Variants in DFFB observed in about 807,000 individuals in gnomAD.
The protein encoded by DFFB is DNA fragmentation factor 40 kDa subunit.
A neutral mutation model predicts 32.7 loss-of-function variants in DFFB; 29 were observed. The ratio of observed to expected loss-of-function variants is 0.89; its 90% confidence interval spans 0.66 to 1.21. The LOEUF is 1.21. Ranked by LOEUF, DFFB falls within the 50% of genes most tolerant of loss-of-function variation. The probability of loss-of-function intolerance (pLI) is 0.00; values close to 1 mark genes in which losing one functional copy is unlikely to be tolerated. For missense variants in DFFB, 398 were observed against 440.6 expected, an observed-to-expected ratio of 0.90 and a Z score of 0.87; for synonymous variants, 170 against 177.1, an observed-to-expected ratio of 0.96 and a Z score of 0.32.
chr1:3,876,322 A>C (rs1042839306), intron 6 of DFFB, among the ~76,000 whole-genome samples: 2 of 152,226 alleles, frequency 1.3e-5, no homozygotes, highest in Non-Finnish European at 2.9e-5. Flanking sequence ...TACAGAATGA[A>C]ATAGGCCATC....
chr1:3,867,885 C>T (rs577596830), intron 3 of DFFB, 89 bp from the exon 4 acceptor site: 78 of 1,165,668 alleles, frequency 6.7e-5, no homozygotes, highest in African/African-American at 5.8e-4. Flanking sequence ...CATATTCTGC[C>T]CTGCTTGGCA....
intron 6 of DFFB, among the ~76,000 whole-genome samples, chr1:3,875,344 C>G (rs545458912): frequency 1.3e-5 from 2 of 152,268 alleles, no homozygotes; most frequent in African/African-American, 4.8e-5. Flanking sequence ...AACCCAGGTG[C>G]CTGGGGATTG....
At chr1:3,860,819 C>T (rs1644865978) in intron 2 of DFFB, among the ~76,000 whole-genome samples, 1 of 152,126 alleles carries the variant, frequency 6.6e-6, no homozygotes, top group South Asian at 2.1e-4. Flanking sequence ...TAGCCCGTAG[C>T]AACTGCTGAT....
At chr1:3,874,081 T>A (rs35061131) in intron 6 of DFFB, among the ~76,000 whole-genome samples, 21,487 of 151,724 alleles carry the variant, frequency 0.14, 1,548 homozygotes, top group South Asian at 0.17. Context: ...TGTGAGTTTA[T>A]CATGTACATA....
chr1:3,867,212 A>G (rs568010773), intron 3 of DFFB, among the ~76,000 whole-genome samples: 1 of 152,340 alleles, frequency 6.6e-6, no homozygotes, highest in East Asian at 1.9e-4. Flanking sequence ...CTTCTTTTTA[A>G]GGCCAAATGA....
chr1:3,875,958 T>C (rs12757844), intron 6 of DFFB, among the ~76,000 whole-genome samples: 13,742 of 152,064 alleles, frequency 0.09, 793 homozygotes, highest in Non-Finnish European at 0.13. Flanking sequence ...TGTGTTTTTT[T>C]AGTAGAGATG....
chr1:3,882,590 C>G (rs1645362233), intron 6 of DFFB, among the ~76,000 whole-genome samples: 2 of 152,160 alleles, frequency 1.3e-5, no homozygotes, highest in African/African-American at 4.8e-5. Context: ...GTGTTGAACT[C>G]CTGACCTCAG....
At chr1:3,860,469 T>A in intron 2 of DFFB, 1 of 443,054 alleles carries the variant, frequency 2.3e-6, no homozygotes, top group East Asian at 7.3e-5. Flanking sequence ...GCTCAAGCTG[T>A]CCTCCTGCCT....
At chr1:3,876,405 T>C (rs1334865024) in intron 6 of DFFB, among the ~76,000 whole-genome samples, 2 of 152,154 alleles carry the variant, frequency 1.3e-5, no homozygotes, top group African/African-American at 4.8e-5. Flanking sequence ...AAGTGTTTGC[T>C]GCGGTTATAT....
intron 1 of DFFB, 135 bp downstream of exon 1, chr1:3,857,852 A>G: frequency 3.3e-6 from 2 of 608,012 alleles, no homozygotes; most frequent in South Asian, 2.3e-5. Context: ...CTCAGCCGCT[A>G]GGACCCCGGG....
chr1:3,859,616 G>A (rs1028726751), intron 2 of DFFB, among the ~76,000 whole-genome samples: 15 of 152,300 alleles, frequency 9.8e-5, no homozygotes, highest in East Asian at 3.9e-4. Flanking sequence ...GAGAGAAGTC[G>A]AAGAGTAACA....
chr1:3,873,202 C>T (rs1557721991), intron 6 of DFFB: 2 of 187,490 alleles, frequency 1.1e-5, no homozygotes, highest in Non-Finnish European at 2.3e-5. Flanking sequence ...TCTCAGCAGG[C>T]AGGAGTGTTT....
At chr1:3,873,015 G>A (rs1489146307) in intron 6 of DFFB, 1 of 1,270,846 alleles carries the variant, frequency 7.9e-7, no homozygotes, top group East Asian at 5.6e-5. Flanking sequence ...TTCTTTTAGA[G>A]ATGGAGTCTT....
At chr1:3,876,675 G>A (rs1017484220) in intron 6 of DFFB, among the ~76,000 whole-genome samples, 2 of 152,232 alleles carry the variant, frequency 1.3e-5, no homozygotes, top group African/African-American at 4.8e-5. Context: ...GGCTGGGAAG[G>A]TTCGAGAAGA....
chr1:3,858,609 G>A (rs1011258068), intron 1 of DFFB, 109 bp from the exon 2 acceptor site: 12 of 1,400,052 alleles, frequency 8.6e-6, no homozygotes, highest in Middle Eastern at 3.7e-4. Flanking sequence ...GCGGCAGCCT[G>A]AGCCTGCTTC....
intron 5 of DFFB, among the ~76,000 whole-genome samples, chr1:3,871,295 G>T (rs12744617): frequency 0.082 from 12,427 of 150,668 alleles, 650 homozygotes; most frequent in East Asian, 0.22. Flanking sequence ...CTTTTTTTTT[G>T]TTTGTTTGTT....
At chr1:3,873,063 T>C (rs1330858478) in intron 6 of DFFB, 6 of 1,085,792 alleles carry the variant, frequency 5.5e-6, no homozygotes, top group Admixed American at 2.6e-5. Flanking sequence ...GGCAGGATCA[T>C]GGCTCACTGA....
At chr1:3,868,810 C>T (rs750873912) in intron 4 of DFFB, among the ~76,000 whole-genome samples, 27 of 152,232 alleles carry the variant, frequency 1.8e-4, no homozygotes, top group Admixed American at 1.4e-3. Context: ...TGCTGCCCTG[C>T]GTGGTCGGCC....
Position 3,872,491 on chromosome 1 carries a change from G to A in DFFB, c.701G>A (p.Ser234Asn). The A allele has an allele frequency of 6.2e-7, 1 of 1,613,942 alleles. No individual in the cohort carries two copies. Among genetic ancestry groups the A allele is most frequent in the South Asian group, 1.1e-5 (1 of 91,064 alleles). ...CCCCAGGGTCCCTTTGACATGGACA[G>A]CTGCTTATCAAGACACTCCATCAAC... ...FSCQGPFDMD[S>N]CLSRHSINPY... Residue 234 changes from serine (S) to asparagine (N), a missense_variant, in exon 6 of 7, where the codon AGC becomes AAC. Coordinates refer to ENST00000378209, the MANE Select transcript of DFFB (RefSeq NM_004402.4).
Sources: gnomAD v4.1 joint callset for allele counts (sites outside exome capture counted in the v4.1 genomes callset) on GRCh38, gnomAD v4.1.1 for gene constraint, MANE v1.5 for transcripts, NCBI Gene and HGNC (gene_info 2026-07-23, HGNC 2026-07-21) for gene names.